Variants in SOX5 observed in about 807,000 individuals in gnomAD.
The protein encoded by SOX5 is SRY-box transcription factor 5.
SOX5 carries 9 observed loss-of-function variants against 92.0 expected under a neutral mutation model. The ratio of observed to expected loss-of-function variants is 0.10; its 90% CI spans 0.06 to 0.17. SOX5 has a LOEUF of 0.17. Among genes scored for constraint, SOX5 ranks in the 10% least tolerant of loss-of-function variants. SOX5 has a pLI of 1.00. For synonymous variants in SOX5, 344 were observed against 336.3 expected, an observed-to-expected ratio of 1.02 and a Z score of -0.25; for missense variants, 642 against 944.5, an observed-to-expected ratio of 0.68 and a Z score of 4.20.
chr12:24,377,790 G>A (rs1957436433), intron 1 of SOX5, among the ~76,000 whole-genome samples: 1 of 152,100 alleles, frequency 6.6e-6, no homozygotes, highest in Admixed American at 6.5e-5. Context: ...GTGGTTGTTG[G>A]GATCCTCACA....
intron 4 of SOX5, among the ~76,000 whole-genome samples, chr12:24,169,709 T>C (rs1357683837): frequency 2.0e-5 from 3 of 152,210 alleles, no homozygotes; most frequent in Admixed American, 6.5e-5. Context: ...GGACCTAGAT[T>C]AGGATGCCAC....
chr12:24,115,716 A>G (rs984962401), intron 4 of SOX5, among the ~76,000 whole-genome samples: 3 of 152,224 alleles, frequency 2.0e-5, no homozygotes, highest in Non-Finnish European at 4.4e-5. Context: ...AACTGCTCAA[A>G]AAGGTTATAT....
intron 2 of SOX5, among the ~76,000 whole-genome samples, chr12:24,282,592 G>C (rs1945344378): frequency 1.3e-5 from 2 of 151,470 alleles, no homozygotes; most frequent in African/African-American, 4.8e-5. Flanking sequence ...CAAAAAAGCT[G>C]ATTCTTTTAA....
At chr12:24,385,068 A>G (rs1249578261) in intron 1 of SOX5, among the ~76,000 whole-genome samples, 2 of 152,134 alleles carry the variant, frequency 1.3e-5, no homozygotes, top group Non-Finnish European at 2.9e-5. Context: ...TTATTATGGT[A>G]TATTGTTATA....
chr12:23,801,256 A>T lies in SOX5; in HGVS notation c.481+44727T>A, dbSNP rs185627917. On this transcript the variant is annotated intron_variant, in intron 3 of 14. Coordinates refer to ENST00000451604, the MANE Select transcript of SOX5 (RefSeq NM_006940.6). ...TTATGAAACATTGGTCTATAAGAAG[A>T]CAGGGTGAAGGAAAAAGGGGACCAA... is the stretch of plus-strand genomic sequence containing the variant. Among the ~76,000 whole-genome samples, 7 of 152,316 alleles carry T rather than the reference A, an allele frequency of 4.6e-5. No individual in the cohort carries two copies. The East Asian group carries it at 1.4e-3, about 29-fold the overall frequency.
chr12:24,348,947 G>A (rs1461138626), intron 2 of SOX5, among the ~76,000 whole-genome samples: 7 of 152,172 alleles, frequency 4.6e-5, no homozygotes, highest in Non-Finnish European at 1.0e-4. Context: ...CACCATGACT[G>A]TGAGGCCTCT....
intron 8 of SOX5, among the ~76,000 whole-genome samples, chr12:23,619,091 T>C (rs573986967): frequency 1.3e-5 from 2 of 152,272 alleles, no homozygotes; most frequent in South Asian, 2.1e-4. Context: ...AAACAACACA[T>C]ATGAGAGGTT....
chr12:23,843,015 T>G (rs1458943414), intron 3 of SOX5, among the ~76,000 whole-genome samples: 2 of 152,184 alleles, frequency 1.3e-5, no homozygotes, highest in Non-Finnish European at 2.9e-5. Flanking sequence ...ATAGAAAGTA[T>G]GTAACTGACA....
At chr12:24,181,073 T>C (rs1955448136) in intron 4 of SOX5, among the ~76,000 whole-genome samples, 1 of 152,206 alleles carries the variant, frequency 6.6e-6, no homozygotes, top group Non-Finnish European at 1.5e-5. Context: ...CTGCTTCTCA[T>C]CTAAAGAGCA....
intron 1 of SOX5, among the ~76,000 whole-genome samples, chr12:24,526,194 C>G (rs928559203): frequency 6.6e-6 from 1 of 152,064 alleles, no homozygotes; most frequent in Non-Finnish European, 1.5e-5. Context: ...CCAAGCAATT[C>G]TTCATTAAAC....
intron 8 of SOX5, among the ~76,000 whole-genome samples, chr12:23,635,783 T>C (rs1592793135): frequency 6.6e-6 from 1 of 152,146 alleles, no homozygotes; most frequent in South Asian, 2.1e-4. Flanking sequence ...GCTGCTGTGG[T>C]GAATTAGGAA....
intron 1 of SOX5, among the ~76,000 whole-genome samples, chr12:24,456,053 G>A (rs950225286): frequency 1.3e-5 from 2 of 152,118 alleles, no homozygotes; most frequent in African/African-American, 4.8e-5. Context: ...CTCCTCACAG[G>A]TGTTAATCCT....
intron 1 of SOX5, among the ~76,000 whole-genome samples, chr12:24,550,130 G>A (rs1953013916): frequency 6.6e-6 from 1 of 152,090 alleles, no homozygotes. Context: ...CTGTATAATG[G>A]GACAGCATCT....
At chr12:24,449,239 T>C (rs1251625878) in intron 1 of SOX5, among the ~76,000 whole-genome samples, 3 of 152,128 alleles carry the variant, frequency 2.0e-5, no homozygotes, top group Non-Finnish European at 4.4e-5. Flanking sequence ...CAAAAAAAAT[T>C]CTAATTCCTT....
chr12:23,536,317 CTATT>C (rs1434609365), intron 14 of SOX5, 132 bp downstream of exon 14: 6 of 685,014 alleles, frequency 8.8e-6, no homozygotes, highest in African/African-American at 7.1e-5. Context: ...ATGTGGGAGA[CTATT>C]TGTCTCTGAA....
chr12:23,923,978 T>C (rs1398464495), intron 1 of SOX5, among the ~76,000 whole-genome samples: 1 of 152,220 alleles, frequency 6.6e-6, no homozygotes, highest in Non-Finnish European at 1.5e-5. Context: ...AGTTGTTCTA[T>C]AAAGTGGTCT....
chr12:23,965,845 C>A (rs138265882), intron 4 of SOX5, among the ~76,000 whole-genome samples: 7,264 of 152,106 alleles, frequency 0.048, 216 homozygotes, highest in Middle Eastern at 0.092. Context: ...TCTTGAACTC[C>A]TGACTTCAAG....
chr12:24,283,369 A>C (rs1945448623), intron 2 of SOX5, among the ~76,000 whole-genome samples: 2 of 152,212 alleles, frequency 1.3e-5, no homozygotes, highest in Admixed American at 1.3e-4. Flanking sequence ...GAAGGTCACA[A>C]AACTTCTCCC....
chr12:24,407,924 A>G (rs1963319512), intron 1 of SOX5, among the ~76,000 whole-genome samples: 1 of 152,206 alleles, frequency 6.6e-6, no homozygotes, highest in Non-Finnish European at 1.5e-5. Context: ...TCTGTTTCTG[A>G]TGAGAGAAGA....
Sources: allele counts gnomAD v4.1 joint callset (sites outside exome capture counted in the v4.1 genomes callset), GRCh38; gene constraint gnomAD v4.1.1; transcripts MANE v1.5; gene names NCBI Gene and HGNC (gene_info 2026-07-23, HGNC 2026-07-21).